Variants in BAZ2B observed in about 807,000 individuals in gnomAD.
BAZ2B encodes bromodomain adjacent to zinc finger domain 2B, also known as bromodomain adjacent to zinc finger domain protein 2B.
Under a neutral mutation model 246.0 loss-of-function variants are expected in BAZ2B, and 91 were observed. That is an observed-to-expected ratio of 0.37 (90% CI 0.31 to 0.44). BAZ2B has a LOEUF of 0.44. Ranked by LOEUF, BAZ2B falls within the 20% of genes least tolerant of loss-of-function variation. The pLI is 1.00. For missense variants in BAZ2B, 2,332 were observed against 2,533.7 expected (o/e 0.92, Z 1.71); for synonymous variants, 855 against 860.0 (o/e 0.99, Z 0.10).
intron 14 of BAZ2B, among the ~76,000 whole-genome samples, chr2:159,408,873 C>T (rs542327401): frequency 5.9e-5 from 9 of 151,986 alleles, no homozygotes; most frequent in South Asian, 2.1e-4. Flanking sequence ...GAGCTGAGAT[C>T]GCGCCATTGC....
At chr2:159,419,400 T>C (rs1242407191) in intron 13 of BAZ2B, among the ~76,000 whole-genome samples, 2 of 152,196 alleles carry the variant, frequency 1.3e-5, no homozygotes, top group Admixed American at 1.3e-4. Context: ...GATTTCCTTA[T>C]GCCTTTTCAA....
At chr2:159,595,155 T>A (rs887787518) in intron 1 of BAZ2B, among the ~76,000 whole-genome samples, 11 of 151,644 alleles carry the variant, frequency 7.3e-5, no homozygotes, top group Non-Finnish European at 1.6e-4. Flanking sequence ...CAGGCTGGAG[T>A]GCAATGGCAT....
intron 1 of BAZ2B, among the ~76,000 whole-genome samples, chr2:159,584,369 C>T (rs1687566847): frequency 6.6e-6 from 1 of 152,132 alleles, no homozygotes. Flanking sequence ...ATCCTACCCA[C>T]TCGGCCTTCC....
chr2:159,471,102 A>G (rs1344347580), intron 3 of BAZ2B, among the ~76,000 whole-genome samples: 2 of 152,142 alleles, frequency 1.3e-5, no homozygotes, highest in Non-Finnish European at 1.5e-5. Context: ...AGCTAAAAGG[A>G]AAGATTTTCA....
At chr2:159,522,224 T>C (rs1052446979) in intron 2 of BAZ2B, among the ~76,000 whole-genome samples, 1 of 152,144 alleles carries the variant, frequency 6.6e-6, no homozygotes, top group African/African-American at 2.4e-5. Context: ...TTTAATGTGA[T>C]GTATCTTAAA....
the BAZ2B span, among the ~76,000 whole-genome samples, chr2:159,645,285 T>C: frequency 6.6e-6 from 1 of 151,976 alleles, no homozygotes; most frequent in East Asian, 1.9e-4. Context: ...AAAAGTTTTT[T>C]TTTTTTTAAA....
At chr2:159,668,645 T>C in the BAZ2B span, among the ~76,000 whole-genome samples, 4 of 152,348 alleles carry the variant, frequency 2.6e-5, no homozygotes, top group African/African-American at 9.6e-5. Context: ...CATCTGTTTT[T>C]TGGGTGGTGG....
At chr2:159,401,406 A>C (rs1161851534) in intron 16 of BAZ2B, among the ~76,000 whole-genome samples, 1 of 152,212 alleles carries the variant, frequency 6.6e-6, no homozygotes, top group Non-Finnish European at 1.5e-5. Flanking sequence ...TAAAATAGTG[A>C]GAGGTGTTTG....
At chr2:159,650,388 C>G in the BAZ2B span, among the ~76,000 whole-genome samples, 1 of 152,064 alleles carries the variant, frequency 6.6e-6, no homozygotes, top group African/African-American at 2.4e-5. Context: ...ATATGTCAGA[C>G]AGAACCACAG....
At chr2:159,463,674 T>G (rs1471200849) in intron 3 of BAZ2B, 6 of 151,638 alleles carry the variant, frequency 4.0e-5, no homozygotes, top group African/African-American at 1.5e-4. Context: ...CACTTATATG[T>G]TTCTTGAGAA....
At chr2:159,628,104 A>T in the BAZ2B span, among the ~76,000 whole-genome samples, 1 of 152,190 alleles carries the variant, frequency 6.6e-6, no homozygotes, top group African/African-American at 2.4e-5. Flanking sequence ...TAGGAATCCA[A>T]CTTACAAGGG....
At chr2:159,663,201 C>CT in the BAZ2B span, among the ~76,000 whole-genome samples, 24 of 145,002 alleles carry the variant, frequency 1.7e-4, no homozygotes, top group South Asian at 3.8e-3. Flanking sequence ...TTTTTTTTTT[C>CT]TTTTTTTTCT....
At chr2:159,521,263 GAAC>G (rs1275576237) in intron 2 of BAZ2B, among the ~76,000 whole-genome samples, 1 of 151,938 alleles carries the variant, frequency 6.6e-6, no homozygotes, top group Non-Finnish European at 1.5e-5. Flanking sequence ...TTACTTCAAA[GAAC>G]AAAAGTAGGA....
At chr2:159,688,685 G>A in the BAZ2B span, among the ~76,000 whole-genome samples, 1 of 152,066 alleles carries the variant, frequency 6.6e-6, no homozygotes, top group South Asian at 2.1e-4. Flanking sequence ...ATTTTTAATT[G>A]TCATACCTCT....
At chr2:159,433,495 G>T in intron 8 of BAZ2B, 132 bp from the exon 9 acceptor site, 1 of 810,402 alleles carries the variant, frequency 1.2e-6, no homozygotes, top group Non-Finnish European at 1.8e-6. Context: ...ATATACAAAT[G>T]CTGTAAAAGT....
chr2:159,415,470 A>G (rs2067546696), intron 13 of BAZ2B, among the ~76,000 whole-genome samples: 1 of 149,890 alleles, frequency 6.7e-6, no homozygotes, highest in Admixed American at 6.6e-5. Flanking sequence ...AATACTGCTT[A>G]GCACATAAAT....
chr2:159,329,305 T>C (rs1036954468), intron 34 of BAZ2B, among the ~76,000 whole-genome samples: 2 of 152,194 alleles, frequency 1.3e-5, no homozygotes, highest in Non-Finnish European at 2.9e-5. Flanking sequence ...AATCTAGAGA[T>C]GACTTAAAGT....
chr2:159,705,252 G>C, the BAZ2B span, among the ~76,000 whole-genome samples: 1 of 151,436 alleles, frequency 6.6e-6, no homozygotes, highest in African/African-American at 2.4e-5. Context: ...AAACTCCTAG[G>C]TTCAAGTAGT....
chr2:159,578,804 C>A (rs909616375), intron 1 of BAZ2B, among the ~76,000 whole-genome samples: 1 of 152,186 alleles, frequency 6.6e-6, no homozygotes, highest in Admixed American at 6.5e-5. Flanking sequence ...GGAAACCGAA[C>A]AACCTGCTCC....
Sources: gnomAD v4.1 joint callset for allele counts (sites outside exome capture counted in the v4.1 genomes callset) on GRCh38, gnomAD v4.1.1 for gene constraint, MANE v1.5 for transcripts, NCBI Gene and HGNC (gene_info 2026-07-23, HGNC 2026-07-21) for gene names.